The following WWC1 variants were observed in gnomAD, a reference collection of about 807,000 sequenced individuals.
The protein encoded by WWC1 is protein KIBRA.
A neutral mutation model predicts 138.4 loss-of-function variants in WWC1; 55 were observed. The ratio of observed to expected loss-of-function variants is 0.40; its 90% CI spans 0.32 to 0.50. The LOEUF is 0.50. WWC1 is among the 20% of genes least tolerant of loss of function. WWC1 has a pLI of 0.72. For missense variants in WWC1, 1,226 were observed against 1,420.4 expected, an observed-to-expected ratio of 0.86 and a Z score of 2.20; for synonymous variants, 524 against 564.9, an observed-to-expected ratio of 0.93 and a Z score of 1.03.
chr5:168,361,269 C>T (rs1775858362), intron 1 of WWC1, among the ~76,000 whole-genome samples: 1 of 152,136 alleles, frequency 6.6e-6, no homozygotes, highest in Non-Finnish European at 1.5e-5. Context: ...CATAGCCTAA[C>T]TCATAATTCA....
chr5:168,339,490 A>G (rs997124222), intron 1 of WWC1, among the ~76,000 whole-genome samples: 39 of 152,160 alleles, frequency 2.6e-4, no homozygotes, highest in African/African-American at 9.4e-4. Context: ...ACATTGTTGT[A>G]TATGTGGTGG....
intron 2 of WWC1, among the ~76,000 whole-genome samples, chr5:168,380,468 C>T (rs961477515): frequency 2.6e-5 from 4 of 152,068 alleles, no homozygotes; most frequent in East Asian, 1.9e-4. Context: ...AAAATTCCAA[C>T]GAGGTATCAT....
chr5:168,326,744 T>C (rs1472777561), intron 1 of WWC1, among the ~76,000 whole-genome samples: 2 of 151,166 alleles, frequency 1.3e-5, no homozygotes, highest in Non-Finnish European at 2.9e-5. Context: ...TTCACCATGT[T>C]GGACAGGCTG....
chr5:168,340,053 CTTTCT>C (rs371095682), intron 1 of WWC1, among the ~76,000 whole-genome samples: 4 of 139,250 alleles, frequency 2.9e-5, no homozygotes, highest in Admixed American at 7.4e-5. Flanking sequence ...TTCTTTCTTT[CTTTCT>C]TTTCTTTTCT....
chr5:168,387,922 C>T (rs1052315307), intron 3 of WWC1, among the ~76,000 whole-genome samples: 7 of 152,262 alleles, frequency 4.6e-5, no homozygotes, highest in African/African-American at 1.4e-4. Flanking sequence ...CTCTCTCTCT[C>T]TCTAAAGTCC....
chr5:168,361,426 C>T (rs555980684), intron 1 of WWC1, among the ~76,000 whole-genome samples: 4 of 152,334 alleles, frequency 2.6e-5, no homozygotes, highest in South Asian at 4.2e-4. Flanking sequence ...AACCTCGTCT[C>T]TCCATGAATG....
rs71310059 is a variant in WWC1 at position 168,339,806 on chromosome 5, T to TTC, written c.120-31617_120-31616insCT. Among the ~76,000 whole-genome samples the TTC allele has an allele frequency of 1.0e-3, 144 of 142,722 alleles. 5 individuals carry two copies. The South Asian group carries it at 0.027, about 26-fold the overall frequency. 93.6% of individuals were successfully genotyped at this position (142,722 alleles called of 152,430 possible). A position where few individuals can be genotyped will look rare whatever the true frequency, so the allele number is the denominator to read the frequency against. On this transcript the variant is annotated intron_variant, in intron 1 of 22. Transcript: ENST00000265293. ...ATGAGACAAGTACCATTCTTTTTGTTTTTCTTTCTTTCTTTCTTTCTTTCT... is the reference window on the plus strand; with the variant it reads ...ATGAGACAAGTACCATTCTTTTTGTTTCTTTCTTTCTTTCTTTCTTTCTTTCT...
At chr5:168,423,292 A>G (rs1361302858) in intron 10 of WWC1, among the ~76,000 whole-genome samples, 2 of 152,178 alleles carry the variant, frequency 1.3e-5, no homozygotes, top group Non-Finnish European at 2.9e-5. Context: ...ACACAGATTT[A>G]GAGGAAAAAG....
intron 17 of WWC1, among the ~76,000 whole-genome samples, chr5:168,449,535 C>A (rs1195693196): frequency 6.6e-6 from 1 of 150,826 alleles, no homozygotes; most frequent in Non-Finnish European, 1.5e-5. Flanking sequence ...TGGAGGGGCT[C>A]CCTGTCTCCC....
chr5:168,316,140 G>A (rs768173937), intron 1 of WWC1, among the ~76,000 whole-genome samples: 1 of 152,046 alleles, frequency 6.6e-6, no homozygotes, highest in Non-Finnish European at 1.5e-5. Context: ...CCCCCTCAGC[G>A]TTTCTCAGAA....
chr5:168,373,843 G>A (rs1317448327), intron 2 of WWC1, among the ~76,000 whole-genome samples: 1 of 150,466 alleles, frequency 6.6e-6, no homozygotes, highest in Non-Finnish European at 1.5e-5. Flanking sequence ...TCAGGAGGTC[G>A]AGACCATTCT....
At chr5:168,314,071 G>C (rs1388501561) in intron 1 of WWC1, among the ~76,000 whole-genome samples, 1 of 152,216 alleles carries the variant, frequency 6.6e-6, no homozygotes, top group Non-Finnish European at 1.5e-5. Context: ...CAGCGGATGA[G>C]GGCCAGCCAG....
At chr5:168,428,627 C>T in intron 12 of WWC1, 80 bp from the exon 13 acceptor site, 1 of 1,425,198 alleles carries the variant, frequency 7.0e-7, no homozygotes, top group Non-Finnish European at 9.8e-7. Flanking sequence ...ACTTTCCTTC[C>T]TGGGGATGTA....
rs1279091935 is a variant in WWC1 at position 168,292,327 on chromosome 5, G to A, written c.119+56G>A. On this transcript the variant is annotated intron_variant, in intron 1 of 22. Coordinates refer to ENST00000265293, the MANE Select transcript of WWC1 (RefSeq NM_015238.3). This position sits in a 1 kb window ranked among gnomAD's most constrained non-coding sequence, Gnocchi z 4.4. ...CACACCCCCGCCTGGGCCCCCACCT[G>A]CCCCTGGAGCCGCCGGCCGGGACTG... 2.4e-5 allele frequency: 37 copies of A among 1,528,072 alleles called. No individual in the cohort carries two copies. Among genetic ancestry groups the A allele is most frequent in the Middle Eastern group, 1.8e-4 (1 of 5,552 alleles). The allele number at this position is 1,528,072 out of a possible 1,614,324, so 94.7% of individuals were successfully genotyped here. A position where few individuals can be genotyped will look rare whatever the true frequency, so the allele number is the denominator to read the frequency against.
chr5:168,398,902 G>C (rs1779108996), intron 4 of WWC1, among the ~76,000 whole-genome samples: 1 of 152,140 alleles, frequency 6.6e-6, no homozygotes, highest in African/African-American at 2.4e-5. Context: ...TGTGTGTCTA[G>C]GTTTATTATG....
chr5:168,295,262 C>G (rs1236591456), intron 1 of WWC1, among the ~76,000 whole-genome samples: 1 of 152,038 alleles, frequency 6.6e-6, no homozygotes, highest in Non-Finnish European at 1.5e-5. Flanking sequence ...AATATTATTT[C>G]AAACCCTTCT....
intron 2 of WWC1, among the ~76,000 whole-genome samples, chr5:168,376,754 A>T (rs1777206018): frequency 6.6e-6 from 1 of 152,222 alleles, no homozygotes; most frequent in African/African-American, 2.4e-5. Context: ...AAGGAGAACT[A>T]CTAAACACTG....
intron 13 of WWC1, 112 bp from the exon 14 acceptor site, chr5:168,430,025 C>A: frequency 1.3e-6 from 1 of 765,328 alleles, no homozygotes. Context: ...TAGAGCTCAC[C>A]ATAGGCCCCA....
rs537910618 is a variant in WWC1 at position 168,311,420 on chromosome 5, C to G, written c.119+19149C>G. 3.3e-5 allele frequency among the ~76,000 whole-genome samples: 5 copies of G among 152,310 alleles called. No homozygotes were observed. In the South Asian group the frequency reaches 1.0e-3, roughly 32 times the overall value. On this transcript the variant is annotated intron_variant, in intron 1 of 22. Coordinates refer to ENST00000265293, the MANE Select transcript of WWC1 (RefSeq NM_015238.3). ...GAGGAACCGAGGCAGCAGCATCTCCCCACACCTCCCTCTATACCTACCCAC... is the reference window on the plus strand; with the variant it reads ...GAGGAACCGAGGCAGCAGCATCTCCGCACACCTCCCTCTATACCTACCCAC...
Sources: allele counts gnomAD v4.1 joint callset (sites outside exome capture counted in the v4.1 genomes callset), GRCh38; gene constraint gnomAD v4.1.1; non-coding constraint Gnocchi (gnomAD v3.1); transcripts MANE v1.5; gene names NCBI Gene and HGNC (gene_info 2026-07-23, HGNC 2026-07-21).